The following OR1J2 variants were observed in gnomAD, a reference collection of about 807,000 sequenced individuals.
OR1J2 encodes the protein olfactory receptor family 1 subfamily J member 2, also known as olfactory receptor 1J2.
For synonymous variants in OR1J2, 142 were observed against 99.7 expected, an observed-to-expected ratio of 1.42 and a Z score of -2.52; for missense variants, 304 against 246.1, an observed-to-expected ratio of 1.24 and a Z score of -1.57.
chr9:122,542,882 A>G, the OR1J2 span, among the ~76,000 whole-genome samples: 1 of 152,166 alleles, frequency 6.6e-6, no homozygotes, highest in Non-Finnish European at 1.5e-5. Flanking sequence ...ATGCACACTT[A>G]TGTCTGGTTT....
At chr9:122,538,458 A>G in the OR1J2 span, among the ~76,000 whole-genome samples, 3 of 147,672 alleles carry the variant, frequency 2.0e-5, no homozygotes, top group Non-Finnish European at 4.5e-5. Flanking sequence ...TAGAGATGCA[A>G]CTGATTTTTT....
the OR1J2 span, among the ~76,000 whole-genome samples, chr9:122,524,748 G>A: frequency 2.1e-4 from 32 of 152,300 alleles, no homozygotes; most frequent in East Asian, 2.9e-3. Context: ...AGTTGATTGG[G>A]TGAATCTGAG....
the OR1J2 span, among the ~76,000 whole-genome samples, chr9:122,459,321 G>T: frequency 6.6e-6 from 1 of 152,106 alleles, no homozygotes; most frequent in Non-Finnish European, 1.5e-5. Context: ...CAATAAGATT[G>T]CTAGATCATA....
chr9:122,517,826 T>C, the OR1J2 span, among the ~76,000 whole-genome samples: 1 of 152,098 alleles, frequency 6.6e-6, no homozygotes, highest in African/African-American at 2.4e-5. Flanking sequence ...ATCACCTAGG[T>C]ATTAAGCCTG....
At chr9:122,553,990 G>A in the OR1J2 span, 1 of 1,613,720 alleles carries the variant, frequency 6.2e-7, no homozygotes, top group Non-Finnish European at 8.5e-7. Flanking sequence ...TCTCTTATGG[G>A]TGTGTATTTA....
the OR1J2 span, among the ~76,000 whole-genome samples, chr9:122,487,746 G>A: frequency 6.6e-6 from 1 of 152,208 alleles, no homozygotes; most frequent in Admixed American, 6.5e-5. Flanking sequence ...GGTGCCAGAA[G>A]TCTGTGGTGA....
chr9:122,560,157 T>G, the OR1J2 span, among the ~76,000 whole-genome samples: 8 of 151,892 alleles, frequency 5.3e-5, no homozygotes, highest in Non-Finnish European at 1.0e-4. Flanking sequence ...CAACCCCTCT[T>G]TTTTTTTGCT....
chr9:122,515,582 G>T (rs1828689886), downstream of OR1J2, among the ~76,000 whole-genome samples: 2 of 151,986 alleles, frequency 1.3e-5, no homozygotes, highest in African/African-American at 4.8e-5. Flanking sequence ...CAAGCTAGGG[G>T]TCTCATCTCA....
At chr9:122,472,081 G>T in the OR1J2 span, among the ~76,000 whole-genome samples, 2 of 152,160 alleles carry the variant, frequency 1.3e-5, no homozygotes, top group Non-Finnish European at 2.9e-5. Context: ...GGAACGCAGG[G>T]TGCATAACCC....
At chr9:122,458,141 T>C in the OR1J2 span, among the ~76,000 whole-genome samples, 1 of 152,194 alleles carries the variant, frequency 6.6e-6, no homozygotes, top group Non-Finnish European at 1.5e-5. Flanking sequence ...TTTGTCTTTA[T>C]TTGGAAGGAT....
At chr9:122,470,913 T>A in the OR1J2 span, among the ~76,000 whole-genome samples, 1 of 152,216 alleles carries the variant, frequency 6.6e-6, no homozygotes, top group Admixed American at 6.5e-5. Flanking sequence ...CCATTTGGAA[T>A]GGCTATATCT....
the OR1J2 span, among the ~76,000 whole-genome samples, chr9:122,574,200 C>G: frequency 6.6e-6 from 1 of 152,044 alleles, no homozygotes; most frequent in Non-Finnish European, 1.5e-5. Flanking sequence ...TCTTTTGCCT[C>G]TACATATAAA....
the OR1J2 span, among the ~76,000 whole-genome samples, chr9:122,478,649 T>A: frequency 6.6e-6 from 1 of 152,208 alleles, no homozygotes; most frequent in African/African-American, 2.4e-5. Flanking sequence ...GATATATATG[T>A]ACTATTCTAG....
the OR1J2 span, among the ~76,000 whole-genome samples, chr9:122,467,520 A>G: frequency 0.63 from 95,924 of 151,964 alleles, 30,649 homozygotes; most frequent in Middle Eastern, 0.73. Flanking sequence ...TCACTCATTT[A>G]GTGCTGAATC....
chr9:122,476,262 G>A, the OR1J2 span, among the ~76,000 whole-genome samples: 1 of 152,120 alleles, frequency 6.6e-6, no homozygotes. Context: ...TTTCTGAAAG[G>A]GCTTCAGCTT....
the OR1J2 span, chr9:122,567,376 T>C: frequency 5.9e-6 from 3 of 507,880 alleles, no homozygotes; most frequent in Admixed American, 1.1e-4. Flanking sequence ...ATTTAAGAGA[T>C]ACAGGCCGAA....
the OR1J2 span, among the ~76,000 whole-genome samples, chr9:122,466,490 T>C: frequency 6.6e-6 from 1 of 152,226 alleles, no homozygotes; most frequent in Non-Finnish European, 1.5e-5. Context: ...TGGAAAACTA[T>C]GTCCACTTCT....
At chr9:122,519,506 G>T in the OR1J2 span, 1 of 1,614,098 alleles carries the variant, frequency 6.2e-7, no homozygotes, top group Non-Finnish European at 8.5e-7. Flanking sequence ...CATACGATCG[G>T]TATGTGGCCA....
chr9:122,559,435 C>G, the OR1J2 span, among the ~76,000 whole-genome samples: 23 of 152,122 alleles, frequency 1.5e-4, no homozygotes, highest in East Asian at 3.1e-3. Flanking sequence ...AATTTTAGAT[C>G]TTTCCTGCTT....
Sources: allele counts gnomAD v4.1 joint callset (sites outside exome capture counted in the v4.1 genomes callset), GRCh38; gene constraint gnomAD v4.1.1; transcripts MANE v1.5; gene names NCBI Gene and HGNC (gene_info 2026-07-23, HGNC 2026-07-21).